POTEF: variants seen among roughly 807,000 people sequenced by gnomAD.
The protein encoded by POTEF is POTE ankyrin domain family member F.
A neutral mutation model predicts 83.2 loss-of-function variants in POTEF; 20 were observed. The observed-to-expected ratio is 0.24, with a 90% confidence interval of 0.17 to 0.35. The LOEUF (loss-of-function observed/expected upper bound fraction) is 0.35. Ranked by LOEUF, POTEF falls within the 10% of genes least tolerant of loss-of-function variation. The pLI, the probability that POTEF is intolerant of heterozygous loss-of-function variation, is 1.00. For missense variants in POTEF, 550 were observed against 1,203.2 expected, an observed-to-expected ratio of 0.46 and a Z score of 8.03; for synonymous variants, 196 against 446.4, an observed-to-expected ratio of 0.44 and a Z score of 7.07.
intron 5 of POTEF, among the ~76,000 whole-genome samples, chr2:130,113,991 T>A (rs1014746295): frequency 5.3e-5 from 8 of 152,050 alleles, no homozygotes; most frequent in Non-Finnish European, 1.2e-4. Context: ...GTTACTTGTT[T>A]ATCTTCCACC....
At chr2:130,105,417 A>C (rs1035195771) in intron 8 of POTEF, among the ~76,000 whole-genome samples, 242 of 151,812 alleles carry the variant, frequency 1.6e-3, no homozygotes, top group Non-Finnish European at 2.6e-3. Flanking sequence ...ATGTATGACA[A>C]GGAAACTATA....
intron 7 of POTEF, among the ~76,000 whole-genome samples, 192 bp downstream of exon 7, chr2:130,110,351 G>C (rs1399248434): frequency 6.6e-6 from 1 of 150,536 alleles, no homozygotes; most frequent in Non-Finnish European, 1.5e-5. Flanking sequence ...AAAGAATCCC[G>C]CACCCATTGG....
chr2:130,112,250 C>T (rs1684734850), intron 5 of POTEF, 149 bp from the exon 6 acceptor site: 1 of 910,744 alleles, frequency 1.1e-6, no homozygotes, highest in Non-Finnish European at 1.6e-6. Context: ...TCTGTGCTTT[C>T]CCACACGCTG....
intron 8 of POTEF, among the ~76,000 whole-genome samples, chr2:130,104,584 A>G (rs1684464423): frequency 6.6e-6 from 1 of 151,622 alleles, no homozygotes; most frequent in African/African-American, 2.4e-5. Context: ...GATTTTTTAG[A>G]AGTCAGAACT....
intron 2 of POTEF, among the ~76,000 whole-genome samples, chr2:130,121,225 A>C (rs1304404819): frequency 1.3e-5 from 2 of 148,290 alleles, no homozygotes; most frequent in Non-Finnish European, 3.0e-5. Flanking sequence ...TCTTGGCGCC[A>C]CGAATGTCAC....
Position 130,075,438 on chromosome 2 carries a change from C to T in POTEF, c.2034G>A (p.Glu678=), listed in dbSNP as rs760366071. Reference sequence around the variant, plus strand: ...TCCTTTTTTTCACACTTTCAATATCCTCCAAATATTTCTTTTCTCTTAGCT... The same window carrying T: ...TCCTTTTTTTCACACTTTCAATATCTTCCAAATATTTCTTTTCTCTTAGCT... ...QSQLREKKYL[E]DIESVKKRND... is the part of the protein sequence containing the mutation. The change falls in exon 17 of 17, where the codon GAG becomes GAA. Residue 678 remains glutamate (E), a synonymous_variant. Coordinates refer to ENST00000409914, the MANE Select transcript of POTEF (RefSeq NM_001099771.2). 3.1e-6 allele frequency: 5 copies of T among 1,611,464 alleles called. No individual in the cohort carries two copies. In the African/African-American group the frequency reaches 4.0e-5, roughly 13 times the overall value.
rs371781604 is a variant in POTEF at position 130,103,800 on chromosome 2, G to A, written c.1127-1620C>T. Among the ~76,000 whole-genome samples the A allele has an allele frequency of 1.5e-3, 210 of 140,648 alleles. 1 individual carries two copies. The highest frequency in any genetic ancestry group is 3.5e-3 in the Middle Eastern group (1 of 284). The allele number at this position is 140,648 out of a possible 152,430, so 92.3% of individuals were successfully genotyped here. A position where few individuals can be genotyped will look rare whatever the true frequency, so the allele number is the denominator to read the frequency against. ...GCAGGAAAGGGTGACGGCATGCCACGCAGCAGCAAGAGCGGGAGCGAGGCC... is the reference window on the plus strand; with the variant it reads ...GCAGGAAAGGGTGACGGCATGCCACACAGCAGCAAGAGCGGGAGCGAGGCC... On this transcript the variant is annotated intron_variant, in intron 8 of 16. Coordinates refer to ENST00000409914, the MANE Select transcript of POTEF (RefSeq NM_001099771.2).
intron 9 of POTEF, among the ~76,000 whole-genome samples, chr2:130,101,572 C>T (rs1684375396): frequency 6.7e-6 from 1 of 150,226 alleles, no homozygotes; most frequent in African/African-American, 2.5e-5. Flanking sequence ...TATTTTTAAG[C>T]TTGGTATCAA....
chr2:130,123,432 T>C lies in POTEF; in HGVS notation c.-93-2824A>G, dbSNP rs2104831596. ...TCTTGAAAAATCTAGTAAAAATTTG[T>C]AAAGACTATAATTGCACAAACTCCC... is the stretch of plus-strand genomic sequence containing the variant. On this transcript the variant is annotated intron_variant, in intron 2 of 16. Coordinates refer to ENST00000409914, the MANE Select transcript of POTEF (RefSeq NM_001099771.2). Among the ~76,000 whole-genome samples the C allele has an allele frequency of 1.3e-5, 2 of 152,188 alleles. 1 individual carries two copies. Among genetic ancestry groups the C allele is most frequent in the South Asian group, 4.1e-4 (2 of 4,826 alleles).
chr2:130,102,972 G>A (rs1215774975), intron 8 of POTEF, among the ~76,000 whole-genome samples: 3 of 151,314 alleles, frequency 2.0e-5, no homozygotes, highest in Non-Finnish European at 2.9e-5. Context: ...CCTGCTTTCT[G>A]CAACAATAGT....
rs771733018 is a variant in POTEF at position 130,119,165 on chromosome 2, CT to C, written c.521+829del. On this transcript the variant is annotated intron_variant, in intron 3 of 16. Transcript: ENST00000409914. Reference sequence around the variant, plus strand: ...AGTGATAAATAGAAAAAGCTCCCATCTTTTTTTTTTTTTTTTGAAACGGAGT... The same window carrying C: ...AGTGATAAATAGAAAAAGCTCCCATCTTTTTTTTTTTTTTTGAAACGGAGT... Among the ~76,000 whole-genome samples, 809 of 138,952 alleles carry C rather than the reference CT, an allele frequency of 5.8e-3. 2 individuals carry two copies. The highest frequency in any genetic ancestry group is 7.0e-3 in the African/African-American group (264 of 37,826). The allele number at this position is 138,952 out of a possible 152,430, so 91.2% of individuals were successfully genotyped here.
rs541124795 is a variant in POTEF at position 130,106,950 on chromosome 2, A to G, written c.1126+1059T>C. On this transcript the variant is annotated intron_variant, in intron 8 of 16. Transcript: ENST00000409914. ...GAGACAGCTCTATTATGAGCACCTT[A>G]AAGATCAAAACTACATCTATTCCAT... is the stretch of plus-strand genomic sequence containing the variant. 4.5e-4 allele frequency among the ~76,000 whole-genome samples: 68 copies of G among 150,108 alleles called. 1 individual carries two copies. In the Middle Eastern group the frequency reaches 0.01, roughly 23 times the overall value.
rs542152271 is a variant in POTEF, at chr2:130,119,548, T to G, written c.521+447A>C. Among the ~76,000 whole-genome samples the G allele has an allele frequency of 6.8e-3, 1,034 of 151,078 alleles. 5 individuals are homozygous for G. The highest frequency in any genetic ancestry group is 9.0e-3 in the Non-Finnish European group (611 of 67,708). ...TCAGTTTCCTTCTAAGGTTCCTCAGTAAAGAACATATTTACATACTGTACA... is the reference window on the plus strand; with the variant it reads ...TCAGTTTCCTTCTAAGGTTCCTCAGGAAAGAACATATTTACATACTGTACA... On this transcript the variant is annotated intron_variant, in intron 3 of 16. Transcript: ENST00000409914.
chr2:130,104,139 G>C (rs951370521), intron 8 of POTEF, among the ~76,000 whole-genome samples: 1 of 150,688 alleles, frequency 6.6e-6, no homozygotes, highest in Non-Finnish European at 1.5e-5. Flanking sequence ...ATACTATGTA[G>C]CAATTTCTCA....
At chr2:130,100,990 A>C (rs1303621386) in intron 9 of POTEF, among the ~76,000 whole-genome samples, 1 of 148,624 alleles carries the variant, frequency 6.7e-6, no homozygotes, top group Non-Finnish European at 1.5e-5. Context: ...TGAAGAAAAA[A>C]AACGTGAACC....
intron 2 of POTEF, among the ~76,000 whole-genome samples, chr2:130,126,598 G>A (rs1685098486): frequency 1.3e-5 from 2 of 152,078 alleles, no homozygotes. Context: ...ACCTTGAGCA[G>A]TAGGATGTAA....
chr2:130,109,297 G>T (rs181850534), intron 7 of POTEF: 1 of 142,520 alleles, frequency 7.0e-6, no homozygotes, highest in Non-Finnish European at 1.5e-5. Context: ...GATATGTGCC[G>T]CCGAAGCAAG....
In POTEF at chr2:130,075,513, T is replaced by A; in HGVS notation, c.1959A>T (p.Glu653Asp). 2 of 1,611,272 alleles carry A rather than the reference T, an allele frequency of 1.2e-6. No homozygotes were observed. The highest frequency in any genetic ancestry group is 1.7e-6 in the Non-Finnish European group (2 of 1,179,684). Residue 653 changes from glutamate to aspartate, a missense_variant, in exon 17 of 17, where the codon GAA (glutamate) becomes GAT (aspartate). Physicochemically the swap from Glu to Asp is conservative, Grantham distance 45. Transcript: ENST00000409914. ...GCTCCAGTCTTAGCATGGCAATTTC[T>A]TCCCGCAACGTACTATTTTCATGCA... ...DILHENSTLR[E>D]EIAMLRLELD...
At chr2:130,125,796 C>CCACCTATAA (rs1449590110) in intron 2 of POTEF, among the ~76,000 whole-genome samples, 11 of 151,142 alleles carry the variant, frequency 7.3e-5, no homozygotes, top group Non-Finnish European at 1.6e-4. Context: ...ATCCCAGCTA[C>CCACCTATAA]TCAGGGGGCC....
Sources: gnomAD v4.1 joint callset for allele counts (sites outside exome capture counted in the v4.1 genomes callset) on GRCh38, gnomAD v4.1.1 for gene constraint, MANE v1.5 for transcripts, NCBI Gene and HGNC (gene_info 2026-07-23, HGNC 2026-07-21) for gene names.